Variants in DPYSL2 observed in about 807,000 individuals in gnomAD.
DPYSL2 encodes dihydropyrimidinase-related protein 2.
Under a neutral mutation model 69.9 loss-of-function variants are expected in DPYSL2, and 13 were observed. That is an observed-to-expected ratio of 0.19 (90% CI 0.12 to 0.30). The LOEUF is 0.30. DPYSL2 is among the 10% of genes least tolerant of loss of function. DPYSL2 has a pLI of 1.00. For synonymous variants in DPYSL2, 326 were observed against 359.1 expected (o/e 0.91, Z 1.04); for missense variants, 587 against 918.9 (o/e 0.64, Z 4.67).
intron 3 of DPYSL2, 113 bp downstream of exon 3, chr8:26,584,096 T>G (rs1407385254): frequency 9.5e-7 from 1 of 1,049,126 alleles, no homozygotes; most frequent in Non-Finnish European, 1.4e-6. Context: ...CACAGTTCAA[T>G]CTACCAAATA....
At chr8:26,559,912 C>A (rs1398160422) in intron 1 of DPYSL2, among the ~76,000 whole-genome samples, 1 of 152,138 alleles carries the variant, frequency 6.6e-6, no homozygotes, top group East Asian at 1.9e-4. Context: ...GAGGAGCCCC[C>A]TGTGATGTCT....
At position 26,585,086 on chromosome 8, in the gene DPYSL2, G is replaced by A; in HGVS notation, c.628+1103G>A. Among the ~76,000 whole-genome samples, 1 of 152,102 alleles carries A rather than the reference G, an allele frequency of 6.6e-6. No homozygotes were observed. Among genetic ancestry groups the A allele is most frequent in the East Asian group, 1.9e-4 (1 of 5,192 alleles). On this transcript the variant is annotated intron_variant, in intron 3 of 13. Transcript: ENST00000521913. This position sits in a 1 kb window ranked among gnomAD's most constrained non-coding sequence, Gnocchi z 4.0. ...TGAGGAGGTGGGCAAGCTGCATAGT[G>A]GCCCGTCAGATACATATTTTAAAAA...
chr8:26,546,907 G>A (rs1185393287), intron 1 of DPYSL2, among the ~76,000 whole-genome samples: 1 of 113,394 alleles, frequency 8.8e-6, no homozygotes, highest in East Asian at 3.1e-4. Context: ...GGGCGACTGA[G>A]GGAGACTCAG....
intron 1 of DPYSL2, among the ~76,000 whole-genome samples, chr8:26,529,154 G>A (rs1057176192): frequency 6.6e-6 from 1 of 152,106 alleles, no homozygotes; most frequent in African/African-American, 2.4e-5. Context: ...AGAAAGGCAT[G>A]ATTCATATGG....
intron 8 of DPYSL2, among the ~76,000 whole-genome samples, chr8:26,636,276 A>T (rs1044314433): frequency 1.3e-4 from 20 of 152,328 alleles, no homozygotes; most frequent in African/African-American, 4.1e-4. Context: ...CCACCCAGAC[A>T]CGCATTTGCA....
At position 26,514,728 on chromosome 8, in the gene DPYSL2, G is replaced by A; in HGVS notation, c.354+49G>A. ...AGACGGAGGACGGGGCGCGGGGATCGCCCCTCCCTCGCCCCTGAGCCCGGC... is the reference window on the plus strand; with the variant it reads ...AGACGGAGGACGGGGCGCGGGGATCACCCCTCCCTCGCCCCTGAGCCCGGC... On this transcript the variant is annotated intron_variant, in intron 1 of 13. Transcript: ENST00000521913. This position sits in a 1 kb window ranked among gnomAD's most constrained non-coding sequence, Gnocchi z 8.4. The A allele has an allele frequency of 7.4e-7, 1 of 1,347,012 alleles. No individual in the cohort carries two copies. Among genetic ancestry groups the A allele is most frequent in the Admixed American group, 3.7e-5 (1 of 27,196 alleles). The allele number at this position is 1,347,012 out of a possible 1,614,324, so 83.4% of individuals were successfully genotyped here. A position where few individuals can be genotyped will look rare whatever the true frequency, so the allele number is the denominator to read the frequency against.
chr8:26,531,384 C>A (rs1190288893), intron 1 of DPYSL2, among the ~76,000 whole-genome samples: 1 of 152,070 alleles, frequency 6.6e-6, no homozygotes, highest in Non-Finnish European at 1.5e-5. Flanking sequence ...CCTCTGCAAC[C>A]AGCTGGAAGT....
rs1200054903 is a variant in DPYSL2, at chr8:26,648,639, T to C, written c.1596+839T>C. On this transcript the variant is annotated intron_variant, in intron 11 of 13. Coordinates refer to ENST00000521913, the MANE Select transcript of DPYSL2 (RefSeq NM_001197293.3). The surrounding 1 kb of genome is among the most constrained non-coding windows in gnomAD (Gnocchi z 4.3). ...AGAAATGGGCCTCGGGCAGAAGAGT[T>C]TCGTGTCAGGAACTCATTTGAATCT... Among the ~76,000 whole-genome samples the C allele has an allele frequency of 1.3e-5, 2 of 152,046 alleles. No homozygotes were observed. Among genetic ancestry groups the C allele is most frequent in the Admixed American group, 6.5e-5 (1 of 15,270 alleles).
chr8:26,630,663 A>AT (rs1234420294), intron 7 of DPYSL2, among the ~76,000 whole-genome samples: 1 of 152,164 alleles, frequency 6.6e-6, no homozygotes, highest in Non-Finnish European at 1.5e-5. Flanking sequence ...CACCATTTAC[A>AT]TTCTACTGCC....
In DPYSL2 at chr8:26,653,410, C is replaced by A; in HGVS notation, c.1942+13C>A. 6.2e-7 allele frequency: 1 copy of A among 1,609,120 alleles called. No individual in the cohort carries two copies. Among genetic ancestry groups the A allele is most frequent in the African/African-American group, 1.3e-5 (1 of 74,952 alleles). The stretch of plus-strand genomic sequence containing the variant: ...TTCAGTTTGTCTGGTAGGGTTGGGG[C>A]TTGGGGAGGGCACAGTTCTGCAGGG... On this transcript the variant is annotated intron_variant, in intron 13 of 13. Coordinates refer to ENST00000521913, the MANE Select transcript of DPYSL2 (RefSeq NM_001197293.3). This position sits in a 1 kb window ranked among gnomAD's most constrained non-coding sequence, Gnocchi z 5.7.
At chr8:26,548,869 C>T (rs1029304700) in intron 1 of DPYSL2, among the ~76,000 whole-genome samples, 2 of 150,766 alleles carry the variant, frequency 1.3e-5, no homozygotes, top group South Asian at 4.2e-4. Flanking sequence ...CAGAGTGAGA[C>T]CTCATCTCAA....
rs1427498329 is a variant in DPYSL2, at chr8:26,643,668, C to T, written c.1283+73C>T. On this transcript the variant is annotated intron_variant, in intron 9 of 13. Transcript: ENST00000521913. This position sits in a 1 kb window ranked among gnomAD's most constrained non-coding sequence, Gnocchi z 6.5. ...ACCAGACTGACCTGTTAGGCGAAAACAACATGGTGGCCAAGAGCAGCCATA... is the reference window on the plus strand; with the variant it reads ...ACCAGACTGACCTGTTAGGCGAAAATAACATGGTGGCCAAGAGCAGCCATA... The T allele has an allele frequency of 1.2e-6, 2 of 1,603,094 alleles. No individual in the cohort carries two copies. The highest frequency in any genetic ancestry group is 1.7e-6 in the Non-Finnish European group (2 of 1,172,092).
intron 1 of DPYSL2, among the ~76,000 whole-genome samples, chr8:26,581,652 G>A (rs768636605): frequency 6.6e-6 from 1 of 151,806 alleles, no homozygotes; most frequent in Non-Finnish European, 1.5e-5. Context: ...GGGATTACAG[G>A]CATGAGCCAC....
chr8:26,554,404 T>A (rs909703576), intron 1 of DPYSL2, among the ~76,000 whole-genome samples: 2 of 151,710 alleles, frequency 1.3e-5, no homozygotes, highest in African/African-American at 2.4e-5. Flanking sequence ...TCTTTATAGA[T>A]GCTGTGTATT....
At chr8:26,625,491 G>T (rs911812199) in intron 4 of DPYSL2, among the ~76,000 whole-genome samples, 3 of 152,120 alleles carry the variant, frequency 2.0e-5, no homozygotes, top group African/African-American at 7.2e-5. Flanking sequence ...GCACCCCCCA[G>T]GTGGCTTGAA....
At position 26,560,220 on chromosome 8, in the gene DPYSL2, A is replaced by G. The variant is rs1787737657; in HGVS notation, c.355-21749A>G. The stretch of plus-strand genomic sequence containing the variant: ...CCTGAACCTGGGTGGCAGGGGCTGC[A>G]TGTTTAGAACTTTCACAAAACAGGG... On this transcript the variant is annotated intron_variant, in intron 1 of 13. Coordinates refer to ENST00000521913, the MANE Select transcript of DPYSL2 (RefSeq NM_001197293.3). The surrounding 1 kb of genome is among the most constrained non-coding windows in gnomAD (Gnocchi z 4.4). 6.6e-6 allele frequency among the ~76,000 whole-genome samples: 1 copy of G among 152,182 alleles called. No homozygotes were observed. The highest frequency in any genetic ancestry group is 1.5e-5 in the Non-Finnish European group (1 of 68,038).
At position 26,610,916 on chromosome 8, in the gene DPYSL2, A is replaced by G. The variant is rs964356530; in HGVS notation, c.629-13227A>G. Among the ~76,000 whole-genome samples the G allele has an allele frequency of 5.3e-5, 8 of 152,124 alleles. No homozygotes were observed. Among genetic ancestry groups the G allele is most frequent in the African/African-American group, 1.9e-4 (8 of 41,426 alleles). On this transcript the variant is annotated intron_variant, in intron 3 of 13. Coordinates refer to ENST00000521913, the MANE Select transcript of DPYSL2 (RefSeq NM_001197293.3). This position sits in a 1 kb window ranked among gnomAD's most constrained non-coding sequence, Gnocchi z 4.5. ...ATTAGGTCCATTTCACAGATAAGAAACCTGAGGCCCTGACAGGGTAAGGAG... is the reference window on the plus strand; with the variant it reads ...ATTAGGTCCATTTCACAGATAAGAAGCCTGAGGCCCTGACAGGGTAAGGAG...
At chr8:26,581,003 AG>A (rs1433207528) in intron 1 of DPYSL2, among the ~76,000 whole-genome samples, 1 of 152,248 alleles carries the variant, frequency 6.6e-6, no homozygotes, top group Non-Finnish European at 1.5e-5. Flanking sequence ...TAAGTGCATC[AG>A]CAATCTGTAG....
In DPYSL2 at chr8:26,627,196, A is replaced by G; in HGVS notation, c.856-19A>G. On this transcript the variant is annotated intron_variant, in intron 5 of 13. Coordinates refer to ENST00000521913, the MANE Select transcript of DPYSL2 (RefSeq NM_001197293.3). The surrounding 1 kb of genome is among the most constrained non-coding windows in gnomAD (Gnocchi z 6.9). ...GATGGAAGTCCCTGTCTCTGATCCC[A>G]CCCTTGTCTCTCTCTCAGATTTATG... is the stretch of plus-strand genomic sequence containing the variant. 6.2e-7 allele frequency: 1 copy of G among 1,612,390 alleles called. No individual in the cohort carries two copies. The highest frequency in any genetic ancestry group is 8.5e-7 in the Non-Finnish European group (1 of 1,178,536).
Sources: gnomAD v4.1 joint callset for allele counts (sites outside exome capture counted in the v4.1 genomes callset) on GRCh38, gnomAD v4.1.1 for gene constraint, Gnocchi (gnomAD v3.1) non-coding constraint, MANE v1.5 for transcripts, NCBI Gene and HGNC (gene_info 2026-07-23, HGNC 2026-07-21) for gene names.